Variants in RERE observed in about 807,000 individuals in gnomAD.
The protein encoded by RERE is arginine-glutamic acid dipeptide repeats protein.
Under a neutral mutation model 146.1 loss-of-function variants are expected in RERE, and 40 were observed. The observed-to-expected ratio is 0.27, with a 90% CI of 0.21 to 0.36. RERE has a LOEUF of 0.36. Ranked by LOEUF, RERE falls within the 10% of genes least tolerant of loss-of-function variation. The probability of loss-of-function intolerance (pLI) is 1.00; values close to 1 mark genes in which losing one functional copy is unlikely to be tolerated. For synonymous variants in RERE, 1,003 were observed against 866.0 expected (o/e 1.16, Z -2.78); for missense variants, 1,933 against 2,138.7 (o/e 0.90, Z 1.90).
intron 1 of RERE, among the ~76,000 whole-genome samples, chr1:8,686,935 A>T (rs1380511024): frequency 2.0e-5 from 3 of 152,202 alleles, no homozygotes; most frequent in South Asian, 2.1e-4. Context: ...CAGTCAGTGC[A>T]GAGGCCTTAG....
At chr1:8,794,263 C>T (rs1641422524) in intron 1 of RERE, among the ~76,000 whole-genome samples, 1 of 149,296 alleles carries the variant, frequency 6.7e-6, no homozygotes, top group Middle Eastern at 3.2e-3. Context: ...GTCCCAGCTA[C>T]TCCGGAGGCT....
At chr1:8,799,437 C>A in intron 1 of RERE, 1 of 185,140 alleles carries the variant, frequency 5.4e-6, no homozygotes, top group East Asian at 1.3e-4. Context: ...ACTGAGAGGC[C>A]AGGGTCAAGT....
In RERE at chr1:8,359,797, C is replaced by T. The variant is rs1423510918; in HGVS notation, c.3585G>A (p.Glu1195=). Residue 1195 remains glutamate, a synonymous_variant, in exon 19 of 23, where the codon GAG becomes GAA. Coordinates refer to ENST00000400908, the MANE Select transcript of RERE (RefSeq NM_001042681.2). ...EKEKEKERER[E]REREREAERA... The stretch of plus-strand genomic sequence containing the variant: ...GCTCTGCCTCGCGCTCCCGCTCTCG[C>T]TCCCGCTCCCGCTCCTTCTCCTTCT... 6.2e-7 allele frequency: 1 copy of T among 1,600,838 alleles called. No individual in the cohort carries two copies. Among genetic ancestry groups the T allele is most frequent in the Non-Finnish European group, 8.5e-7 (1 of 1,177,290 alleles).
Position 8,656,115 on chromosome 1 carries a change from A to G in RERE, c.183T>C (p.Asn61=), listed in dbSNP as rs766505776. 32 of 1,613,814 alleles carry G rather than the reference A, an allele frequency of 2.0e-5. No individual in the cohort carries two copies. The highest frequency in any genetic ancestry group is 2.5e-5 in the Non-Finnish European group (30 of 1,179,908). The change falls in exon 2 of 23, where the codon AAT becomes AAC. Residue 61 remains asparagine, a synonymous_variant. Coordinates refer to ENST00000400908, the MANE Select transcript of RERE (RefSeq NM_001042681.2). ...CCTCTGCGGTGGCACTATTGTTGTC[A>G]TTGTCCTCGTCTTCACTGTGATCAC... ...AESDHSEDED[N]DNNSATAEES...
chr1:8,514,559 A>G (rs1645387051), intron 7 of RERE, among the ~76,000 whole-genome samples: 1 of 152,102 alleles, frequency 6.6e-6, no homozygotes, highest in Admixed American at 6.5e-5. Context: ...GTGAAACCCC[A>G]TCCCTACTAA....
Position 8,373,731 on chromosome 1 carries a change from G to T in RERE, c.1285-7757C>A, listed in dbSNP as rs1021148182. On this transcript the variant is annotated intron_variant, in intron 12 of 22. Coordinates refer to ENST00000400908, the MANE Select transcript of RERE (RefSeq NM_001042681.2). ...CATTTCCTGGCATGGAATCCTATGC[G>T]AGTCATTCTTTCCTTTCCCTCCCCA... Among the ~76,000 whole-genome samples, 6 of 152,264 alleles carry T rather than the reference G, an allele frequency of 3.9e-5. No individual in the cohort carries two copies. The East Asian group carries it at 1.2e-3, about 29-fold the overall frequency.
intron 2 of RERE, among the ~76,000 whole-genome samples, chr1:8,654,291 C>T (rs575901723): frequency 1.1e-4 from 16 of 152,200 alleles, no homozygotes; most frequent in African/African-American, 3.6e-4. Flanking sequence ...CCGCCTCAGC[C>T]TCTCAAAGTG....
intron 1 of RERE, among the ~76,000 whole-genome samples, chr1:8,779,944 G>A (rs916901895): frequency 2.6e-5 from 4 of 151,930 alleles, no homozygotes; most frequent in Non-Finnish European, 4.4e-5. Flanking sequence ...TAATCCCAGC[G>A]CTTTGGGAGG....
chr1:8,670,608 C>A (rs1423613985), intron 1 of RERE, among the ~76,000 whole-genome samples: 1 of 152,142 alleles, frequency 6.6e-6, no homozygotes, highest in African/African-American at 2.4e-5. Context: ...ATCACTGGAC[C>A]TAAACGAAGC....
chr1:8,480,082 T>C (rs1261705808), intron 10 of RERE, among the ~76,000 whole-genome samples: 10 of 152,050 alleles, frequency 6.6e-5, no homozygotes, highest in Admixed American at 1.3e-4. Context: ...ACATGTTAAT[T>C]ACCAAATAAA....
intron 8 of RERE, among the ~76,000 whole-genome samples, chr1:8,499,554 T>C (rs1055088087): frequency 1.4e-4 from 21 of 152,156 alleles, no homozygotes; most frequent in Admixed American, 1.2e-3. Context: ...ATCTTCACAT[T>C]TATGTAAAAG....
intron 4 of RERE, among the ~76,000 whole-genome samples, chr1:8,568,902 G>A (rs1014388002): frequency 3.3e-5 from 5 of 152,070 alleles, no homozygotes; most frequent in Admixed American, 3.3e-4. Flanking sequence ...TCTCTCTGGA[G>A]AACCCTGACT....
Position 8,470,813 on chromosome 1 carries a change from C to CTTTTTTTT in RERE, c.1105-4798_1105-4791dup, listed in dbSNP as rs71580028. ...TTCTGAGACATCTTTAAAGAAATACCTTTTTTTTTTTTTTTTTTTTTTTTG... is the reference window on the plus strand; with the variant it reads ...TTCTGAGACATCTTTAAAGAAATACCTTTTTTTTTTTTTTTTTTTTTTTTTTTTTTTTG... On this transcript the variant is annotated intron_variant, in intron 10 of 22. Transcript: ENST00000400908. 4.4e-4 allele frequency among the ~76,000 whole-genome samples: 33 copies of CTTTTTTTT among 74,550 alleles called. 1 individual carries two copies. Among genetic ancestry groups the CTTTTTTTT allele is most frequent in the South Asian group, 6.0e-4 (1 of 1,666 alleles). The allele number at this position is 74,550 out of a possible 152,430, so 48.9% of individuals were successfully genotyped here.
chr1:8,359,974 G>T lies in RERE; in HGVS notation c.3408C>A (p.His1136Gln). 6.2e-7 allele frequency: 1 copy of T among 1,612,764 alleles called. No individual in the cohort carries two copies. Among genetic ancestry groups the T allele is most frequent in the African/African-American group, 1.3e-5 (1 of 75,060 alleles). Residue 1136 changes from histidine (H) to glutamine (Q), a missense_variant, in exon 19 of 23, where the codon CAC becomes CAA. Physicochemically the swap from His to Gln is conservative, Grantham distance 24 (BLOSUM62 0). Transcript: ENST00000400908. The stretch of plus-strand genomic sequence containing the variant: ...CACACGAGTTGTAGCCCCGGTCCAG[G>T]TGTTTGTAGAACCTGAGAAAAGCCA... Reference protein sequence around the residue: ...HASQSARFYKHLDRGYNSCAR... With the variant: ...HASQSARFYKQLDRGYNSCAR...
intron 1 of RERE, among the ~76,000 whole-genome samples, chr1:8,728,401 T>C (rs1368294719): frequency 3.3e-5 from 5 of 151,538 alleles, no homozygotes; most frequent in Admixed American, 6.6e-5. Flanking sequence ...TCAGCTGTTA[T>C]AGTAACTATA....
chr1:8,711,355 G>A (rs1028179688), intron 1 of RERE, among the ~76,000 whole-genome samples: 1 of 152,112 alleles, frequency 6.6e-6, no homozygotes, highest in South Asian at 2.1e-4. Flanking sequence ...GTCAGGCCTG[G>A]AGGTTTTAGT....
intron 1 of RERE, among the ~76,000 whole-genome samples, chr1:8,770,189 C>A (rs1640918030): frequency 6.6e-6 from 1 of 152,126 alleles, no homozygotes; most frequent in African/African-American, 2.4e-5. Context: ...AGAGTCAATA[C>A]CACTGAACAC....
At chr1:8,400,337 T>A (rs1227582268) in intron 12 of RERE, among the ~76,000 whole-genome samples, 2 of 151,314 alleles carry the variant, frequency 1.3e-5, no homozygotes, top group Non-Finnish European at 2.9e-5. Flanking sequence ...CACTATAACT[T>A]GAACCCCTGG....
intron 1 of RERE, among the ~76,000 whole-genome samples, chr1:8,714,849 T>C (rs570010007): frequency 6.2e-4 from 95 of 152,252 alleles, no homozygotes; most frequent in African/African-American, 2.1e-3. Context: ...AGGAAAGAAG[T>C]TGTACAAGAA....
Sources: allele counts gnomAD v4.1 joint callset (sites outside exome capture counted in the v4.1 genomes callset), GRCh38; gene constraint gnomAD v4.1.1; transcripts MANE v1.5; gene names NCBI Gene and HGNC (gene_info 2026-07-23, HGNC 2026-07-21).